Variants in PPP1R1B observed in about 807,000 individuals in gnomAD.
PPP1R1B encodes the protein protein phosphatase 1 regulatory inhibitor subunit 1B.
Under a neutral mutation model 28.2 loss-of-function variants are expected in PPP1R1B, and 13 were observed. The ratio of observed to expected loss-of-function variants is 0.46; its 90% CI spans 0.30 to 0.73. The LOEUF (loss-of-function observed/expected upper bound fraction) is 0.73, where lower values mean the gene tolerates loss of function less well. PPP1R1B is among the 30% of genes least tolerant of loss of function. The probability of loss-of-function intolerance (pLI) is 0.07; values close to 1 mark genes in which losing one functional copy is unlikely to be tolerated. For missense variants in PPP1R1B, 236 were observed against 256.7 expected, an observed-to-expected ratio of 0.92 and a Z score of 0.55; for synonymous variants, 102 against 97.5, an observed-to-expected ratio of 1.05 and a Z score of -0.27.
chr17:39,630,092 G>A (rs1337877668), intron 4 of PPP1R1B, 45 bp downstream of exon 4: 1 of 1,566,620 alleles, frequency 6.4e-7, no homozygotes, highest in East Asian at 2.2e-5. Flanking sequence ...CCTGATCCCT[G>A]GAACTGGGCA....
At chr17:39,626,847 T>C (rs1232832177), upstream of PPP1R1B, 1 of 152,616 alleles carries the variant, frequency 6.6e-6, no homozygotes, top group Non-Finnish European at 1.5e-5. Flanking sequence ...TCCATGCTCA[T>C]TGGCCAGTTT....
chr17:39,634,141 C>A, intron 5 of PPP1R1B, 55 bp downstream of exon 5: 2 of 1,600,386 alleles, frequency 1.2e-6, no homozygotes, highest in South Asian at 1.1e-5. Flanking sequence ...CTTGAGTATA[C>A]GAGGACGTCC....
intron 4 of PPP1R1B, chr17:39,630,267 G>A (rs940332200): frequency 2.2e-5 from 12 of 545,368 alleles, no homozygotes; most frequent in African/African-American, 3.8e-5. Context: ...CCTTAACATC[G>A]GGTTGTGGGC....
chr17:39,633,759 CCT>C, intron 4 of PPP1R1B, 122 bp from the exon 5 acceptor site: 1 of 1,530,804 alleles, frequency 6.5e-7, no homozygotes, highest in South Asian at 1.2e-5. Context: ...AACTTGGGCC[CCT>C]GAGGGGGTAT....
At chr17:39,628,748 T>G in intron 1 of PPP1R1B, 2 of 986,378 alleles carry the variant, frequency 2.0e-6, no homozygotes, top group Non-Finnish European at 2.4e-6. Flanking sequence ...TGGGGCATCT[T>G]CCCCAGAGGG....
chr17:39,635,633 G>A lies in PPP1R1B; in HGVS notation c.472G>A (p.Gly158Ser). The change falls in exon 6 of 7, where the codon GGT (glycine) becomes AGT (serine). Residue 158 changes from glycine to serine, a missense_variant. Gly to Ser is a moderately conservative substitution (Grantham distance 56). Transcript: ENST00000254079. ...SAGQKTTCGQ[G>S]LEGPWERPPP... Reference sequence around the variant, plus strand: ...TGGGCAAAAGACAACCTGTGGCCAGGGTCTGGAAGGGCCCTGGGAGCGCCC... The same window carrying A: ...TGGGCAAAAGACAACCTGTGGCCAGAGTCTGGAAGGGCCCTGGGAGCGCCC... 2 of 1,614,078 alleles carry A rather than the reference G, an allele frequency of 1.2e-6. No homozygotes were observed. The highest frequency in any genetic ancestry group is 2.2e-5 in the South Asian group (2 of 91,088).
At chr17:39,630,711 C>T (rs2144839515) in intron 4 of PPP1R1B, among the ~76,000 whole-genome samples, 2 of 152,126 alleles carry the variant, frequency 1.3e-5, no homozygotes, top group Middle Eastern at 6.8e-3. Flanking sequence ...ACTGCTTGAG[C>T]CTAGGAGTTC....
At position 39,627,309 on chromosome 17, in the gene PPP1R1B, G is replaced by T; in HGVS notation, c.-84G>T. The T allele has an allele frequency of 1.1e-6, 1 of 921,690 alleles. No homozygotes were observed. The highest frequency in any genetic ancestry group is 1.6e-6 in the Non-Finnish European group (1 of 633,146). 57.1% of individuals were successfully genotyped at this position (921,690 alleles called of 1,614,324 possible). A position where few individuals can be genotyped will look rare whatever the true frequency, so the allele number is the denominator to read the frequency against. On this transcript the variant is annotated 5_prime_UTR_variant, in exon 1 of 7. Transcript: ENST00000254079. ...TCCTCCTCCTCTCGCCGCACAGCCC[G>T]CCGCCTGCGCGGGGGAGCCCAGCAC...
intron 1 of PPP1R1B, among the ~76,000 whole-genome samples, chr17:39,627,826 C>A (rs541971611): frequency 6.6e-6 from 1 of 152,260 alleles, no homozygotes; most frequent in East Asian, 1.9e-4. Context: ...AGGCTACCAC[C>A]GGGACCGCTC....
chr17:39,635,793 G>C (rs1474957593), intron 6 of PPP1R1B, 23 bp from the exon 7 acceptor site: 1 of 1,613,934 alleles, frequency 6.2e-7, no homozygotes, highest in Non-Finnish European at 8.5e-7. Context: ...CAGGCCCTGA[G>C]TCCCTCTCTG....
rs764789995 is a variant in PPP1R1B at position 39,627,552 on chromosome 17, C to T, written c.81+79C>T. On this transcript the variant is annotated intron_variant, in intron 1 of 6. Coordinates refer to ENST00000254079, the MANE Select transcript of PPP1R1B (RefSeq NM_032192.4). ...TCTTCGCCCTCCCAAGGCGCTGCCC[C>T]GGCCGGACTGGCCTGGGGGTGGGGG... The T allele has an allele frequency of 8.8e-4, 827 of 940,618 alleles. 1 individual carries two copies. Among genetic ancestry groups the T allele is most frequent in the Non-Finnish European group, 1.1e-3 (736 of 653,460 alleles). 58.3% of individuals were successfully genotyped at this position (940,618 alleles called of 1,614,324 possible).
intron 2 of PPP1R1B, 81 bp from the exon 3 acceptor site, chr17:39,629,459 C>T: frequency 1.3e-6 from 2 of 1,574,714 alleles, no homozygotes; most frequent in Admixed American, 1.7e-5. Context: ...GGGAAAATAA[C>T]TCGGATTCTT....
intron 4 of PPP1R1B, among the ~76,000 whole-genome samples, chr17:39,630,795 C>T (rs765786523): frequency 9.9e-5 from 15 of 152,188 alleles, no homozygotes; most frequent in Admixed American, 2.6e-4. Flanking sequence ...GCGGGCCGGG[C>T]GCAGTGACTC....
chr17:39,635,257 G>A (rs58194705), intron 5 of PPP1R1B, among the ~76,000 whole-genome samples: 2 of 152,050 alleles, frequency 1.3e-5, no homozygotes, highest in Non-Finnish European at 2.9e-5. Context: ...AAAAAATGCA[G>A]AAGGGCACCG....
rs543433254 is a variant in PPP1R1B at position 39,627,850 on chromosome 17, C to T, written c.81+377C>T. The stretch of plus-strand genomic sequence containing the variant: ...CCGGGACCGCTCCGCCTGGCTCTGT[C>T]CCAGAGCTGGTCAGATGTGAGCAGC... On this transcript the variant is annotated intron_variant, in intron 1 of 6. Coordinates refer to ENST00000254079, the MANE Select transcript of PPP1R1B (RefSeq NM_032192.4). 3.3e-5 allele frequency among the ~76,000 whole-genome samples: 5 copies of T among 152,270 alleles called. No individual in the cohort carries two copies. In the South Asian group the frequency reaches 8.3e-4, roughly 25 times the overall value.
intron 1 of PPP1R1B, among the ~76,000 whole-genome samples, chr17:39,628,253 G>A (rs943254903): frequency 6.6e-6 from 1 of 151,818 alleles, no homozygotes; most frequent in African/African-American, 2.4e-5. Context: ...AAGTCATTAT[G>A]GGGGGAGATA....
intron 4 of PPP1R1B, chr17:39,630,565 G>A (rs1243732559): frequency 6.3e-6 from 1 of 157,672 alleles, no homozygotes; most frequent in African/African-American, 2.4e-5. Context: ...CCAAGTTGGT[G>A]GGCATTGGGC....
chr17:39,631,964 G>A (rs948908451), intron 4 of PPP1R1B, among the ~76,000 whole-genome samples: 3 of 152,198 alleles, frequency 2.0e-5, no homozygotes, highest in Non-Finnish European at 2.9e-5. Flanking sequence ...CCTGGCTCTT[G>A]ACTGCAAGCA....
At chr17:39,631,317 C>G (rs2056875761) in intron 4 of PPP1R1B, among the ~76,000 whole-genome samples, 1 of 152,236 alleles carries the variant, frequency 6.6e-6, no homozygotes, top group African/African-American at 2.4e-5. Flanking sequence ...AGGAATTTAA[C>G]AGGCAGGCAA....
Sources: gnomAD v4.1 joint callset for allele counts (sites outside exome capture counted in the v4.1 genomes callset) on GRCh38, gnomAD v4.1.1 for gene constraint, MANE v1.5 for transcripts, NCBI Gene and HGNC (gene_info 2026-07-23, HGNC 2026-07-21) for gene names.